Variants in SLA2 observed in about 807,000 individuals in gnomAD.
SLA2 encodes Src like adaptor 2, also known as src-like-adapter 2.
In SLA2, 22 loss-of-function variants were observed where a neutral mutation model predicts 27.3. That is an observed-to-expected ratio of 0.81 (90% CI 0.58 to 1.15). The LOEUF is 1.15. Ranked by LOEUF, SLA2 falls within the 50% of genes most tolerant of loss-of-function variation. The pLI is 0.00. For missense variants in SLA2, 304 were observed against 322.2 expected (o/e 0.94, Z 0.43); for synonymous variants, 131 against 137.8 (o/e 0.95, Z 0.34).
rs548770089 is a variant in SLA2 at position 36,634,549 on chromosome 20, C to T, written c.132G>A (p.Pro44=). 62 of 1,611,566 alleles carry T rather than the reference C, an allele frequency of 3.8e-5. No individual in the cohort carries two copies. The highest frequency in any genetic ancestry group is 1.1e-4 in the East Asian group (5 of 44,796). Residue 44 remains proline (P), a synonymous_variant, in exon 3 of 8, where the codon CCG becomes CCA. Transcript: ENST00000262866. ...GCGACAGCTCGGCCGGGCCACCTGCCGGGAAACTGCCCAGGGCCACGGCTG... is the reference window on the plus strand; with the variant it reads ...GCGACAGCTCGGCCGGGCCACCTGCTGGGAAACTGCCCAGGGCCACGGCTG... ...KATAVALGSF[P]AGGPAELSLR... is the part of the protein sequence containing the mutation.
intron 5 of SLA2, among the ~76,000 whole-genome samples, chr20:36,629,027 A>G (rs1316780760): frequency 2.0e-5 from 3 of 150,722 alleles, no homozygotes; most frequent in Admixed American, 2.0e-4. Flanking sequence ...GGAATTGACT[A>G]TGGGGACCTG....
At chr20:36,640,510 T>A (rs2039495969) in intron 2 of SLA2, among the ~76,000 whole-genome samples, 1 of 147,016 alleles carries the variant, frequency 6.8e-6, no homozygotes, top group Non-Finnish European at 1.5e-5. Flanking sequence ...AAGACCTTTT[T>A]TTTTTTTTTT....
At chr20:36,615,912 G>A (rs1034297711) in intron 5 of SLA2, among the ~76,000 whole-genome samples, 6 of 152,192 alleles carry the variant, frequency 3.9e-5, no homozygotes, top group Non-Finnish European at 7.3e-5. Context: ...CAAACAGCCC[G>A]TTTGTGCTCA....
intron 5 of SLA2, among the ~76,000 whole-genome samples, chr20:36,630,395 G>A (rs1014006021): frequency 1.3e-5 from 2 of 152,194 alleles, no homozygotes; most frequent in South Asian, 2.1e-4. Context: ...GAAGGGTCCC[G>A]ACAGCCTATC....
intron 2 of SLA2, among the ~76,000 whole-genome samples, chr20:36,635,273 C>T (rs2039433359): frequency 1.3e-5 from 2 of 151,684 alleles, no homozygotes; most frequent in South Asian, 4.2e-4. Flanking sequence ...CTCCCTTCTT[C>T]CCCCTTGTCC....
chr20:36,623,084 C>G (rs1034706239), intron 5 of SLA2, among the ~76,000 whole-genome samples: 3 of 152,084 alleles, frequency 2.0e-5, no homozygotes, highest in African/African-American at 7.2e-5. Flanking sequence ...GCCTGGCCAA[C>G]ATGGTGAAAC....
intron 5 of SLA2, among the ~76,000 whole-genome samples, chr20:36,625,317 G>A (rs2147985020): frequency 6.7e-6 from 1 of 148,748 alleles, no homozygotes; most frequent in East Asian, 2.0e-4. Context: ...CCACCTCCTG[G>A]TTTCAAGCAA....
rs183800491 is a variant in SLA2, at chr20:36,645,188, C to T, written c.-44+649G>A. Among the ~76,000 whole-genome samples the T allele has an allele frequency of 1.2e-3, 178 of 147,220 alleles. 1 individual carries two copies. The South Asian group carries it at 0.017, about 14-fold the overall frequency. ...GAACCCCCACCCCCACCCCCACCACCGCCTGCCATCTCTACAAAAATATAA... is the reference window on the plus strand; with the variant it reads ...GAACCCCCACCCCCACCCCCACCACTGCCTGCCATCTCTACAAAAATATAA... On this transcript the variant is annotated intron_variant, in intron 1 of 7. Coordinates refer to ENST00000262866, the MANE Select transcript of SLA2 (RefSeq NM_032214.4).
intron 6 of SLA2, 105 bp downstream of exon 6, chr20:36,615,116 TTCTG>T: frequency 2.8e-5 from 43 of 1,533,890 alleles, no homozygotes; most frequent in Middle Eastern, 1.7e-4. Flanking sequence ...GAGGCCGCTC[TTCTG>T]TCTGTCTGAA....
At chr20:36,629,994 T>G (rs1429697387) in intron 5 of SLA2, among the ~76,000 whole-genome samples, 1 of 151,946 alleles carries the variant, frequency 6.6e-6, no homozygotes, top group Non-Finnish European at 1.5e-5. Context: ...AGTTTTCTCT[T>G]TGCATCTGTG....
At chr20:36,624,268 A>G (rs961626810) in intron 5 of SLA2, among the ~76,000 whole-genome samples, 2 of 152,014 alleles carry the variant, frequency 1.3e-5, no homozygotes, top group Non-Finnish European at 2.9e-5. Context: ...ACTTAAAATC[A>G]ATCCCAAGTC....
rs776853169 is a variant in SLA2 at position 36,634,545 on chromosome 20, C to T, written c.136G>A (p.Gly46Ser). 1.2e-6 allele frequency: 2 copies of T among 1,611,792 alleles called. No homozygotes were observed. Among genetic ancestry groups the T allele is most frequent in the South Asian group, 1.1e-5 (1 of 90,616 alleles). The change falls in exon 3 of 8, where the codon GGT (glycine) becomes AGT (serine). Residue 46 changes from glycine (G) to serine (S), a missense_variant. Transcript: ENST00000262866. ...TAVALGSFPA[G>S]GPAELSLRLG... ...CTCAGCGACAGCTCGGCCGGGCCAC[C>T]TGCCGGGAAACTGCCCAGGGCCACG...
At chr20:36,633,729 T>C in intron 3 of SLA2, 100 bp from the exon 4 acceptor site, 2 of 928,164 alleles carry the variant, frequency 2.2e-6, no homozygotes, top group East Asian at 2.6e-5. Context: ...CTGGATCCTG[T>C]GGCCACCTGT....
chr20:36,643,954 C>A (rs893258121), intron 1 of SLA2, among the ~76,000 whole-genome samples: 1 of 151,698 alleles, frequency 6.6e-6, no homozygotes, highest in Non-Finnish European at 1.5e-5. Flanking sequence ...TCTGTACCCC[C>A]CTCCCGCCCC....
chr20:36,629,717 T>A (rs984011423), intron 5 of SLA2, among the ~76,000 whole-genome samples: 10 of 152,048 alleles, frequency 6.6e-5, no homozygotes, highest in African/African-American at 2.4e-4. Flanking sequence ...GAGGTTGCAG[T>A]GAACCGAGAT....
intron 6 of SLA2, 152 bp downstream of exon 6, chr20:36,615,073 T>A (rs2039192503): frequency 6.9e-7 from 1 of 1,457,612 alleles, no homozygotes; most frequent in Non-Finnish European, 9.0e-7. Flanking sequence ...CCAGCCTGCA[T>A]TTCTTGGCAT....
intron 1 of SLA2, among the ~76,000 whole-genome samples, chr20:36,645,235 T>C (rs1011744762): frequency 1.3e-4 from 18 of 134,588 alleles, no homozygotes; most frequent in Non-Finnish European, 2.3e-4. Context: ...GGCATGGTGG[T>C]ACATGCCTGT....
chr20:36,614,352 T>C lies in SLA2; in HGVS notation c.618A>G (p.Leu206=). ...GTGGTGTCCTCTGCACAGTCACAGGTAGGGGTATATCCTTGCCAGGGAGCG... is the reference window on the plus strand; with the variant it reads ...GTGGTGTCCTCTGCACAGTCACAGGCAGGGGTATATCCTTGCCAGGGAGCG... ...AGPLPGKDIP[L]PVTVQRTPLN... is the part of the protein sequence containing the mutation. Residue 206 remains leucine, a synonymous_variant, in exon 7 of 8, where the codon CTA becomes CTG. Transcript: ENST00000262866. The C allele has an allele frequency of 6.2e-7, 1 of 1,614,134 alleles. No homozygotes were observed. Among genetic ancestry groups the C allele is most frequent in the Non-Finnish European group, 8.5e-7 (1 of 1,180,032 alleles).
chr20:36,629,638 G>T (rs1388819721), intron 5 of SLA2, among the ~76,000 whole-genome samples: 1 of 152,118 alleles, frequency 6.6e-6, no homozygotes, highest in Admixed American at 6.5e-5. Context: ...GTTGGGCATG[G>T]TGGCATGTGC....
Sources: allele counts gnomAD v4.1 joint callset (sites outside exome capture counted in the v4.1 genomes callset), GRCh38; gene constraint gnomAD v4.1.1; transcripts MANE v1.5; gene names NCBI Gene and HGNC (gene_info 2026-07-23, HGNC 2026-07-21).